KCNB2: variants seen among roughly 807,000 people sequenced by gnomAD.
KCNB2 encodes potassium voltage-gated channel subfamily B member 2, also known as delayed rectifier potassium channel protein.
In KCNB2, 15 loss-of-function variants were observed where a neutral mutation model predicts 61.5. The observed-to-expected ratio is 0.24, with a 90% CI of 0.16 to 0.38. The LOEUF is 0.38. Ranked by LOEUF, KCNB2 falls within the 10% of genes least tolerant of loss-of-function variation. KCNB2 has a pLI of 1.00. For missense variants in KCNB2, 828 were observed against 1,125.2 expected, an observed-to-expected ratio of 0.74 and a Z score of 3.78; for synonymous variants, 457 against 446.0, an observed-to-expected ratio of 1.02 and a Z score of -0.31.
intron 2 of KCNB2, among the ~76,000 whole-genome samples, chr8:72,868,624 C>A (rs533165423): frequency 6.6e-5 from 10 of 151,770 alleles, no homozygotes; most frequent in African/African-American, 2.4e-4. Context: ...AAAAAAAACC[C>A]AAAAAAGGAC....
At chr8:72,690,928 C>A (rs1806930012) in intron 2 of KCNB2, among the ~76,000 whole-genome samples, 1 of 152,096 alleles carries the variant, frequency 6.6e-6, no homozygotes, top group Non-Finnish European at 1.5e-5. Context: ...GTAATGACAA[C>A]TGAATGTGTA....
intron 2 of KCNB2, among the ~76,000 whole-genome samples, chr8:72,681,170 G>C (rs1354754609): frequency 2.6e-5 from 4 of 152,048 alleles, no homozygotes; most frequent in Non-Finnish European, 4.4e-5. Flanking sequence ...TGGCTTGGGG[G>C]ACAAGGCTGT....
Position 72,715,020 on chromosome 8 carries a change from G to A in KCNB2, c.579+146707G>A, listed in dbSNP as rs1281961016. Among the ~76,000 whole-genome samples the A allele has an allele frequency of 2.6e-5, 4 of 152,110 alleles. No individual in the cohort carries two copies. The East Asian group carries it at 5.8e-4, about 22-fold the overall frequency. On this transcript the variant is annotated intron_variant, in intron 2 of 2. Transcript: ENST00000523207. ...GGCAGGGGTTGCAATCCTAGTCTCG[G>A]ATAAAACAGACTTTAAACCAACAAA...
chr8:72,870,966 G>T (rs1439967282), intron 2 of KCNB2, among the ~76,000 whole-genome samples: 1 of 152,136 alleles, frequency 6.6e-6, no homozygotes, highest in East Asian at 1.9e-4. Context: ...GACAGAGTAA[G>T]ACCTTTTCTC....
intron 2 of KCNB2, among the ~76,000 whole-genome samples, chr8:72,893,453 T>C (rs930320508): frequency 2.0e-5 from 3 of 152,160 alleles, no homozygotes; most frequent in South Asian, 2.1e-4. Flanking sequence ...AAAACTTCCA[T>C]GTTTAGTAAG....
intron 2 of KCNB2, among the ~76,000 whole-genome samples, chr8:72,586,627 A>G (rs1392059096): frequency 1.3e-5 from 2 of 152,214 alleles, no homozygotes; most frequent in African/African-American, 2.4e-5. Flanking sequence ...CAGTTGCACA[A>G]TAATCCCCTG....
chr8:72,547,705 A>G (rs1806279928), intron 1 of KCNB2, among the ~76,000 whole-genome samples: 1 of 152,240 alleles, frequency 6.6e-6, no homozygotes, highest in Non-Finnish European at 1.5e-5. Context: ...GAGCAAAGAA[A>G]GTGATTTCTT....
chr8:72,927,130 G>A (rs763815144), intron 2 of KCNB2, among the ~76,000 whole-genome samples: 8 of 152,132 alleles, frequency 5.3e-5, no homozygotes, highest in African/African-American at 7.2e-5. Context: ...GGAGTGATGT[G>A]GTTGTTCTGG....
chr8:72,562,510 CTGAT>C (rs1806554145), intron 1 of KCNB2, among the ~76,000 whole-genome samples: 1 of 152,090 alleles, frequency 6.6e-6, no homozygotes, highest in Non-Finnish European at 1.5e-5. Context: ...CACTGGCTGA[CTGAT>C]TGTAGCAAGC....
chr8:72,918,773 T>G (rs1253593284), intron 2 of KCNB2, among the ~76,000 whole-genome samples: 2 of 152,222 alleles, frequency 1.3e-5, no homozygotes, highest in Non-Finnish European at 2.9e-5. Context: ...GTGGTGCAGC[T>G]GGCCAGTGGC....
rs181193484 is a variant in KCNB2, at chr8:72,722,595, T to C, written c.579+154282T>C. 8.5e-4 allele frequency among the ~76,000 whole-genome samples: 129 copies of C among 152,340 alleles called. 1 individual carries two copies. The highest frequency in any genetic ancestry group is 3.0e-3 in the African/African-American group (126 of 41,580). ...CTTATGGGGTCATCGAATCAGTGTCTGTAAGCTCCAGAAGTCCAGGGTGTG... is the reference window on the plus strand; with the variant it reads ...CTTATGGGGTCATCGAATCAGTGTCCGTAAGCTCCAGAAGTCCAGGGTGTG... On this transcript the variant is annotated intron_variant, in intron 2 of 2. Transcript: ENST00000523207.
chr8:72,707,788 A>T (rs1807253224), intron 2 of KCNB2, among the ~76,000 whole-genome samples: 1 of 152,250 alleles, frequency 6.6e-6, no homozygotes, highest in African/African-American at 2.4e-5. Flanking sequence ...TGGGAAATAC[A>T]CACTTTTGCT....
chr8:72,882,520 T>A (rs974029369), intron 2 of KCNB2, among the ~76,000 whole-genome samples: 20 of 115,358 alleles, frequency 1.7e-4, no homozygotes, highest in Non-Finnish European at 1.8e-4. Context: ...TGCTGACAGT[T>A]GAGAGAGAGA....
At chr8:72,627,185 T>C (rs191642791) in intron 2 of KCNB2, among the ~76,000 whole-genome samples, 1 of 152,318 alleles carries the variant, frequency 6.6e-6, no homozygotes, top group Admixed American at 6.5e-5. Flanking sequence ...TAAGTTTATC[T>C]CACTCATTCA....
At chr8:72,754,085 G>C (rs1808246047) in intron 2 of KCNB2, among the ~76,000 whole-genome samples, 1 of 152,026 alleles carries the variant, frequency 6.6e-6, no homozygotes, top group African/African-American at 2.4e-5. Flanking sequence ...ACTCCCTTAA[G>C]ACTCATCAAG....
At chr8:72,756,263 C>T (rs924763665) in intron 2 of KCNB2, among the ~76,000 whole-genome samples, 8 of 152,312 alleles carry the variant, frequency 5.3e-5, no homozygotes, top group Admixed American at 3.3e-4. Context: ...CCTGCCATTG[C>T]TGCTCTATCC....
At chr8:72,709,581 GC>G (rs895355357) in intron 2 of KCNB2, among the ~76,000 whole-genome samples, 5 of 151,768 alleles carry the variant, frequency 3.3e-5, no homozygotes, top group African/African-American at 1.2e-4. Flanking sequence ...GAGGAGAGAT[GC>G]CATACACTTT....
At chr8:72,794,736 A>G (rs1235728340) in intron 2 of KCNB2, among the ~76,000 whole-genome samples, 1 of 152,204 alleles carries the variant, frequency 6.6e-6, no homozygotes, top group Non-Finnish European at 1.5e-5. Context: ...GCAATTGAAT[A>G]GATAATTATG....
chr8:72,656,394 G>A (rs1181517002), intron 2 of KCNB2, among the ~76,000 whole-genome samples: 1 of 152,130 alleles, frequency 6.6e-6, no homozygotes, highest in Non-Finnish European at 1.5e-5. Flanking sequence ...CCCCAAGGCA[G>A]AAACCTGTTT....
Sources: allele counts gnomAD v4.1 joint callset (sites outside exome capture counted in the v4.1 genomes callset), GRCh38; gene constraint gnomAD v4.1.1; transcripts MANE v1.5; gene names NCBI Gene and HGNC (gene_info 2026-07-23, HGNC 2026-07-21).